Variants in FOXN3 observed in about 807,000 individuals in gnomAD.
The protein encoded by FOXN3 is forkhead box N3.
Under a neutral mutation model 38.4 loss-of-function variants are expected in FOXN3, and 7 were observed. The observed-to-expected ratio is 0.18, with a 90% CI of 0.10 to 0.34. The LOEUF (loss-of-function observed/expected upper bound fraction) is 0.34. Ranked by LOEUF, FOXN3 falls within the 10% of genes least tolerant of loss-of-function variation. The pLI is 1.00. For missense variants in FOXN3, 456 were observed against 613.4 expected, an observed-to-expected ratio of 0.74 and a Z score of 2.71; for synonymous variants, 230 against 242.2, an observed-to-expected ratio of 0.95 and a Z score of 0.47.
At chr14:89,186,943 T>C (rs945268254) in intron 4 of FOXN3, among the ~76,000 whole-genome samples, 15 of 152,172 alleles carry the variant, frequency 9.9e-5, no homozygotes, top group Non-Finnish European at 2.1e-4. Flanking sequence ...TGCCTGGGGC[T>C]CTCACCAGAG....
In FOXN3 at chr14:89,248,577, T is replaced by C. The variant is rs146804061; in HGVS notation, c.745+32373A>G. Reference sequence around the variant, plus strand: ...GGGGGGAAAAGTCAGAGTTTAAGGATTTCTTCTGGAAGAAAAGATAAGTGC... The same window carrying C: ...GGGGGGAAAAGTCAGAGTTTAAGGACTTCTTCTGGAAGAAAAGATAAGTGC... On this transcript the variant is annotated intron_variant, in intron 4 of 5. Coordinates refer to ENST00000557258, the MANE Select transcript of FOXN3 (RefSeq NM_005197.4). Among the ~76,000 whole-genome samples, 265 of 152,332 alleles carry C rather than the reference T, an allele frequency of 1.7e-3. 2 individuals are homozygous for C. Among genetic ancestry groups the C allele is most frequent in the African/African-American group, 6.1e-3 (252 of 41,566 alleles).
In FOXN3 at chr14:89,425,727, A is replaced by G. The variant is rs1892013321; in HGVS notation, c.-14-13237T>C. Among the ~76,000 whole-genome samples the G allele has an allele frequency of 2.0e-5, 3 of 152,202 alleles. No homozygotes were observed. In the South Asian group the frequency reaches 6.2e-4, roughly 31 times the overall value. ...ATAAAGTGTCACAAACACTGAATTA[A>G]CAAATCCTGAATCATTGCTCCTAGG... is the stretch of plus-strand genomic sequence containing the variant. On this transcript the variant is annotated intron_variant, in intron 1 of 6. Coordinates refer to the FOXN3 transcript ENST00000345097.
chr14:89,497,264 CCATTTT>C (rs1228696615), intron 1 of FOXN3, among the ~76,000 whole-genome samples: 1 of 151,636 alleles, frequency 6.6e-6, no homozygotes, highest in Non-Finnish European at 1.5e-5. Flanking sequence ...CAATTTTCTT[CCATTTT>C]AAGGCTAAGT....
At chr14:89,289,810 ACAT>A (rs1359700748) in intron 3 of FOXN3, among the ~76,000 whole-genome samples, 1 of 152,222 alleles carries the variant, frequency 6.6e-6, no homozygotes, top group African/African-American at 2.4e-5. Context: ...CATTACTACT[ACAT>A]CATATTGAAA....
chr14:89,199,712 G>A (rs137943816), intron 4 of FOXN3, among the ~76,000 whole-genome samples: 2,897 of 152,216 alleles, frequency 0.019, 91 homozygotes, highest in African/African-American at 0.067. Context: ...AGACCAGCCT[G>A]GCCAACATGG....
At chr14:89,585,100 A>T (rs1895816934) in intron 1 of FOXN3, among the ~76,000 whole-genome samples, 1 of 152,124 alleles carries the variant, frequency 6.6e-6, no homozygotes, top group South Asian at 2.1e-4. Flanking sequence ...TTTGTGTACC[A>T]TTCAGTCTAA....
chr14:89,164,608 C>G lies in FOXN3; in HGVS notation c.852-1639G>C, dbSNP rs997177. Reference sequence around the variant, plus strand: ...CCCAGTGGCTATCGCCGTGTCAGCACGGTGGACACAGCAGATAAACTGAGG... The same window carrying G: ...CCCAGTGGCTATCGCCGTGTCAGCAGGGTGGACACAGCAGATAAACTGAGG... On this transcript the variant is annotated intron_variant, in intron 5 of 5. Coordinates refer to ENST00000557258, the MANE Select transcript of FOXN3 (RefSeq NM_005197.4). The surrounding 1 kb of genome is among the most constrained non-coding windows in gnomAD (Gnocchi z 4.3). Among the ~76,000 whole-genome samples, 30,859 of 152,040 alleles carry G rather than the reference C, an allele frequency of 0.2. 4,295 individuals carry two copies. The highest frequency in any genetic ancestry group is 0.39 in the African/African-American group (15,977 of 41,430).
rs571962274 is a variant in FOXN3, at chr14:89,412,550, T to C, written c.-14-60A>G. ...CGAGGCCCAAAACAGAAAGGCAGACTGTACCCCTCTGATCCTGTTGCCTCC... is the reference window on the plus strand; with the variant it reads ...CGAGGCCCAAAACAGAAAGGCAGACCGTACCCCTCTGATCCTGTTGCCTCC... On this transcript the variant is annotated intron_variant, in intron 1 of 5. Coordinates refer to ENST00000557258, the MANE Select transcript of FOXN3 (RefSeq NM_005197.4). This position sits in a 1 kb window ranked among gnomAD's most constrained non-coding sequence, Gnocchi z 4.7. 1 of 1,415,426 alleles carries C rather than the reference T, an allele frequency of 7.1e-7. No individual in the cohort carries two copies. Among genetic ancestry groups the C allele is most frequent in the Admixed American group, 2.2e-5 (1 of 45,446 alleles). 87.7% of individuals were successfully genotyped at this position (1,415,426 alleles called of 1,614,324 possible).
intron 1 of FOXN3, among the ~76,000 whole-genome samples, chr14:89,539,107 G>C (rs1894746654): frequency 6.6e-6 from 1 of 152,162 alleles, no homozygotes; most frequent in South Asian, 2.1e-4. Context: ...CTCCCAAAGT[G>C]CTGGGATTAC....
chr14:89,325,337 C>T (rs1241688749), intron 3 of FOXN3, among the ~76,000 whole-genome samples: 1 of 144,942 alleles, frequency 6.9e-6, no homozygotes, highest in Non-Finnish European at 1.5e-5. Context: ...ACCACCACCA[C>T]CACCACCACC....
At chr14:89,416,832 G>C (rs1891747991) in intron 1 of FOXN3, 39 bp downstream of exon 1, 1 of 151,952 alleles carries the variant, frequency 6.6e-6, no homozygotes, top group South Asian at 2.1e-4. Context: ...TGCCCCCCGA[G>C]CCCACGCGGG....
intron 1 of FOXN3, among the ~76,000 whole-genome samples, chr14:89,481,853 G>GATCAT (rs200900151): frequency 0.02 from 3,032 of 152,160 alleles, 53 homozygotes; most frequent in Middle Eastern, 0.044. Context: ...AAGCTAGGGC[G>GATCAT]ATCATATCAT....
intron 3 of FOXN3, among the ~76,000 whole-genome samples, chr14:89,283,233 T>C (rs1440634339): frequency 6.6e-6 from 1 of 152,184 alleles, no homozygotes; most frequent in Non-Finnish European, 1.5e-5. Context: ...CTGCTGAGAA[T>C]TGTGCTTGGT....
At chr14:89,461,549 A>G (rs1892848627) in intron 1 of FOXN3, among the ~76,000 whole-genome samples, 1 of 152,254 alleles carries the variant, frequency 6.6e-6, no homozygotes, top group Non-Finnish European at 1.5e-5. Flanking sequence ...AAAGCATATC[A>G]GAACACCAAT....
intron 1 of FOXN3, among the ~76,000 whole-genome samples, chr14:89,508,589 G>T (rs1893996594): frequency 6.6e-6 from 1 of 152,218 alleles, no homozygotes; most frequent in Admixed American, 6.5e-5. Flanking sequence ...CTCCTTGCAG[G>T]TGAAACTACA....
At chr14:89,244,916 A>G (rs1452785676) in intron 4 of FOXN3, among the ~76,000 whole-genome samples, 1 of 152,192 alleles carries the variant, frequency 6.6e-6, no homozygotes, top group Non-Finnish European at 1.5e-5. Context: ...ACCAGATGCC[A>G]AGCACTGTTC....
At position 89,609,620 on chromosome 14, in the gene FOXN3, C is replaced by A. The variant is rs540398431; in HGVS notation, c.-15+9408G>T. On this transcript the variant is annotated intron_variant, in intron 1 of 6. Coordinates refer to the FOXN3 transcript ENST00000345097. Reference sequence around the variant, plus strand: ...TCCATAGTACTTATGGAAATATCACCTAGGACTTGAGTCTTAGGTTAAGTA... The same window carrying A: ...TCCATAGTACTTATGGAAATATCACATAGGACTTGAGTCTTAGGTTAAGTA... Among the ~76,000 whole-genome samples, 21 of 152,186 alleles carry A rather than the reference C, an allele frequency of 1.4e-4. 1 individual carries two copies. In the South Asian group the frequency reaches 4.4e-3, roughly 32 times the overall value.
chr14:89,468,403 G>A (rs1231241183), intron 1 of FOXN3, among the ~76,000 whole-genome samples: 2 of 152,022 alleles, frequency 1.3e-5, no homozygotes, highest in Non-Finnish European at 2.9e-5. Flanking sequence ...GCAGTGAGCC[G>A]AGATCAAGCC....
chr14:89,249,478 C>G (rs529568030), intron 4 of FOXN3, among the ~76,000 whole-genome samples: 6 of 152,346 alleles, frequency 3.9e-5, no homozygotes, highest in Non-Finnish European at 8.8e-5. Context: ...CACCGTGATA[C>G]TACTAAATAC....
Sources: gnomAD v4.1 joint callset for allele counts (sites outside exome capture counted in the v4.1 genomes callset) on GRCh38, gnomAD v4.1.1 for gene constraint, Gnocchi (gnomAD v3.1) non-coding constraint, MANE v1.5 for transcripts, NCBI Gene and HGNC (gene_info 2026-07-23, HGNC 2026-07-21) for gene names.